Variants in RAB6B observed in about 807,000 individuals in gnomAD.
RAB6B encodes ras-related protein Rab-6B.
RAB6B carries 7 observed loss-of-function variants against 31.2 expected under a neutral mutation model. The observed-to-expected ratio is 0.22, with a 90% CI of 0.13 to 0.42. RAB6B has a LOEUF of 0.42. Among genes scored for constraint, RAB6B ranks in the 10% least tolerant of loss-of-function variants. The probability of loss-of-function intolerance (pLI) is 1.00; values close to 1 mark genes in which losing one functional copy is unlikely to be tolerated. For synonymous variants in RAB6B, 105 were observed against 104.9 expected (o/e 1.00, Z -0.01); for missense variants, 149 against 280.6 (o/e 0.53, Z 3.35).
rs568212959 is a variant in RAB6B at position 133,827,722 on chromosome 3, C to T, written c.*1066G>A. The T allele has an allele frequency of 5.2e-4, 302 of 580,938 alleles. 2 individuals carry two copies. The South Asian group carries it at 6.0e-3, about 12-fold the overall frequency. The allele number at this position is 580,938 out of a possible 1,614,324, so 36.0% of individuals were successfully genotyped here. ...TGAGGCTCTAAGAACATGGATCTTT[C>T]AAGGTGGTGGTTCTGCAGACAACAC... is the stretch of plus-strand genomic sequence containing the variant. On this transcript the variant is annotated 3_prime_UTR_variant, in exon 8 of 8. Transcript: ENST00000285208.
intron 1 of RAB6B, among the ~76,000 whole-genome samples, chr3:133,875,444 T>C (rs1360136828): frequency 6.6e-6 from 1 of 152,140 alleles, no homozygotes; most frequent in Non-Finnish European, 1.5e-5. Flanking sequence ...GAAATGCTGA[T>C]TAGAGGGTAC....
At chr3:133,834,363 T>G (rs1256074693) in intron 7 of RAB6B, among the ~76,000 whole-genome samples, 2 of 152,152 alleles carry the variant, frequency 1.3e-5, no homozygotes, top group Non-Finnish European at 2.9e-5. Context: ...TTCCTGCTAT[T>G]CTGGAAGAAG....
intron 7 of RAB6B, among the ~76,000 whole-genome samples, chr3:133,829,824 T>C (rs1033058594): frequency 1.1e-4 from 17 of 152,208 alleles, no homozygotes; most frequent in African/African-American, 4.1e-4. Flanking sequence ...AGCCAACTTT[T>C]TGGCCACCTC....
At position 133,828,709 on chromosome 3, in the gene RAB6B, TC is replaced by T; in HGVS notation, c.*78del. On this transcript the variant is annotated 3_prime_UTR_variant, in exon 8 of 8. Coordinates refer to ENST00000285208, the MANE Select transcript of RAB6B (RefSeq NM_016577.4). ...CTCCCATCTTGATAACTCGGTTCCC[TC>T]CCCCCTTAGGAAGCTAGCCAATAGG... 1 of 1,209,646 alleles carries T rather than the reference TC, an allele frequency of 8.3e-7. No homozygotes were observed. The highest frequency in any genetic ancestry group is 1.1e-6 in the Non-Finnish European group (1 of 883,040). 74.9% of individuals were successfully genotyped at this position (1,209,646 alleles called of 1,614,324 possible). A position where few individuals can be genotyped will look rare whatever the true frequency, so the allele number is the denominator to read the frequency against.
chr3:133,843,803 TC>T (rs749454390), intron 2 of RAB6B, among the ~76,000 whole-genome samples: 1 of 152,104 alleles, frequency 6.6e-6, no homozygotes, highest in Non-Finnish European at 1.5e-5. Context: ...CCACAGCTGC[TC>T]CCTTTCCCAC....
intron 2 of RAB6B, 142 bp downstream of exon 2, chr3:133,864,442 A>G: frequency 3.8e-6 from 3 of 780,350 alleles, no homozygotes; most frequent in Non-Finnish European, 6.8e-6. Context: ...GGATGGGGCC[A>G]GTATAGAGGT....
intron 1 of RAB6B, among the ~76,000 whole-genome samples, chr3:133,870,291 G>A (rs1475470202): frequency 6.6e-6 from 1 of 152,148 alleles, no homozygotes; most frequent in Admixed American, 6.5e-5. Flanking sequence ...ACTATCACGA[G>A]AAGAGCATGG....
rs1936706314 is a variant in RAB6B at position 133,895,841 on chromosome 3, GC to G, written c.-376del. ...GCGCTCTCCAGAGCCGCGCCAGTCG[GC>G]CCCCTCCCGCCTGCCTCCTCCGCCG... On this transcript the variant is annotated 5_prime_UTR_variant, in exon 1 of 8. Coordinates refer to ENST00000285208, the MANE Select transcript of RAB6B (RefSeq NM_016577.4). 1 of 207,612 alleles carries G rather than the reference GC, an allele frequency of 4.8e-6. No homozygotes were observed. Among genetic ancestry groups the G allele is most frequent in the Non-Finnish European group, 9.6e-6 (1 of 104,612 alleles). The allele number at this position is 207,612 out of a possible 1,614,324, so 12.9% of individuals were successfully genotyped here.
intron 1 of RAB6B, among the ~76,000 whole-genome samples, chr3:133,876,386 A>G (rs1936396946): frequency 6.6e-6 from 1 of 152,174 alleles, no homozygotes; most frequent in Non-Finnish European, 1.5e-5. Context: ...CAAGGATTCT[A>G]TGAACTTCCC....
chr3:133,850,716 A>C (rs1935971699), intron 2 of RAB6B, among the ~76,000 whole-genome samples: 1 of 152,314 alleles, frequency 6.6e-6, no homozygotes, highest in South Asian at 2.1e-4. Context: ...GAGGAGATGG[A>C]GAATTGGACA....
At chr3:133,882,487 T>C (rs186340495) in intron 1 of RAB6B, among the ~76,000 whole-genome samples, 337 of 152,330 alleles carry the variant, frequency 2.2e-3, no homozygotes, top group African/African-American at 7.6e-3. Flanking sequence ...CAGCCTTTAC[T>C]CTTTACTCCA....
At chr3:133,895,251 G>C in intron 1 of RAB6B, 146 bp downstream of exon 1, 105 of 382,506 alleles carry the variant, frequency 2.7e-4, no homozygotes, top group East Asian at 8.7e-4. Context: ...GCCCGACCCC[G>C]CCCCGACCTC....
chr3:133,882,940 A>C (rs888396569), intron 1 of RAB6B, among the ~76,000 whole-genome samples: 3 of 152,180 alleles, frequency 2.0e-5, no homozygotes, highest in Non-Finnish European at 2.9e-5. Context: ...GAGGGAGGGG[A>C]ATTTAATGAA....
At chr3:133,834,454 C>G (rs544584233) in intron 7 of RAB6B, 121 bp downstream of exon 7, 6 of 1,093,288 alleles carry the variant, frequency 5.5e-6, no homozygotes, top group Non-Finnish European at 8.4e-6. Context: ...CCGTGCCATT[C>G]GCGGCAGACC....
At chr3:133,857,556 C>T (rs1397286539) in intron 2 of RAB6B, among the ~76,000 whole-genome samples, 1 of 152,056 alleles carries the variant, frequency 6.6e-6, no homozygotes, top group Non-Finnish European at 1.5e-5. Flanking sequence ...GTGCTGGGGA[C>T]GTGCGGCATT....
chr3:133,838,207 A>T lies in RAB6B; in HGVS notation c.454T>A (p.Phe152Ile). The T allele has an allele frequency of 6.2e-7, 1 of 1,614,212 alleles. No homozygotes were observed. The highest frequency in any genetic ancestry group is 2.2e-5 in the East Asian group (1 of 44,886). ...CCAGTCTTCGCACTGGTCTCAATGA[A>T]CATGACGCTCAGTTCTTTGGCGCGC... ...EQRAKELSVM[F>I]IETSAKTGYN... The change falls in exon 6 of 8, where the codon TTC (phenylalanine) becomes ATC (isoleucine). Residue 152 changes from phenylalanine (F) to isoleucine (I), a missense_variant. By Grantham distance (21) the Phe-to-Ile change is conservative. Coordinates refer to ENST00000285208, the MANE Select transcript of RAB6B (RefSeq NM_016577.4).
chr3:133,841,145 G>A, intron 4 of RAB6B, 140 bp downstream of exon 4: 1 of 752,362 alleles, frequency 1.3e-6, no homozygotes, highest in Admixed American at 2.3e-5. Context: ...CTGCCTTTCT[G>A]CATTCAGGGA....
chr3:133,895,359 A>G (rs373845604), intron 1 of RAB6B, 38 bp downstream of exon 1: 9 of 1,598,792 alleles, frequency 5.6e-6, no homozygotes, highest in Non-Finnish European at 7.7e-6. Context: ...GCGGGGGTCG[A>G]CTCGGCGACA....
chr3:133,836,126 G>A (rs1935730919), intron 6 of RAB6B, among the ~76,000 whole-genome samples: 1 of 152,214 alleles, frequency 6.6e-6, no homozygotes, highest in Non-Finnish European at 1.5e-5. Context: ...GAGCACCCGG[G>A]CTGGGTGACA....
Sources: allele counts gnomAD v4.1 joint callset (sites outside exome capture counted in the v4.1 genomes callset), GRCh38; gene constraint gnomAD v4.1.1; transcripts MANE v1.5; gene names NCBI Gene and HGNC (gene_info 2026-07-23, HGNC 2026-07-21).